Variants in EPHA6 observed in about 807,000 individuals in gnomAD.
The protein encoded by EPHA6 is ephrin type-A receptor 6.
In EPHA6, 50 loss-of-function variants were observed where a neutral mutation model predicts 112.0. That is an observed-to-expected ratio of 0.45 (90% CI 0.36 to 0.56). The LOEUF (loss-of-function observed/expected upper bound fraction) is 0.56, where lower values mean the gene tolerates loss of function less well. Among genes scored for constraint, EPHA6 ranks in the 20% least tolerant of loss-of-function variants. EPHA6 has a pLI of 0.00. For synonymous variants in EPHA6, 529 were observed against 490.7 expected (o/e 1.08, Z -1.03); for missense variants, 1,280 against 1,417.4 (o/e 0.90, Z 1.56).
At chr3:96,844,245 T>C (rs112051253) in intron 1 of EPHA6, among the ~76,000 whole-genome samples, 1,583 of 152,160 alleles carry the variant, frequency 0.01, 27 homozygotes, top group African/African-American at 0.036. Flanking sequence ...ACTATGTGTC[T>C]GTCTATAAAC....
intron 6 of EPHA6, among the ~76,000 whole-genome samples, chr3:97,445,031 C>T (rs2090285932): frequency 6.6e-6 from 1 of 152,060 alleles, no homozygotes; most frequent in Admixed American, 6.6e-5. Flanking sequence ...TATGCCTGCC[C>T]TGTTTGACAG....
At chr3:97,655,881 A>G (rs1441386066) in intron 14 of EPHA6, among the ~76,000 whole-genome samples, 3 of 151,968 alleles carry the variant, frequency 2.0e-5, no homozygotes, top group Admixed American at 2.0e-4. Context: ...CGTTGTGCAC[A>G]TGTACCCTAA....
chr3:97,262,143 G>A (rs185766877), intron 5 of EPHA6, among the ~76,000 whole-genome samples: 2 of 152,192 alleles, frequency 1.3e-5, no homozygotes, highest in African/African-American at 2.4e-5. Flanking sequence ...TAGAAAATAC[G>A]ATGAGCCATC....
chr3:97,542,527 C>A (rs542677449), intron 11 of EPHA6, among the ~76,000 whole-genome samples: 2 of 152,248 alleles, frequency 1.3e-5, no homozygotes, highest in South Asian at 4.1e-4. Context: ...CAAGTCTTTG[C>A]TATTGTGAAT....
At chr3:97,430,460 G>T (rs1258433214) in intron 6 of EPHA6, among the ~76,000 whole-genome samples, 1 of 151,796 alleles carries the variant, frequency 6.6e-6, no homozygotes, top group Non-Finnish European at 1.5e-5. Context: ...TTCACACAAT[G>T]GTCTTATTAA....
intron 2 of EPHA6, among the ~76,000 whole-genome samples, chr3:96,933,701 A>C (rs998148403): frequency 6.6e-6 from 1 of 152,148 alleles, no homozygotes; most frequent in Non-Finnish European, 1.5e-5. Flanking sequence ...TTAGAAGAAG[A>C]ATTTAGTTAT....
chr3:96,999,518 ACAAT>A (rs140568664), intron 3 of EPHA6, among the ~76,000 whole-genome samples: 25,088 of 151,896 alleles, frequency 0.17, 2,417 homozygotes, highest in Non-Finnish European at 0.22. Context: ...TCACATACCA[ACAAT>A]GACTACAGTA....
At chr3:96,822,509 C>T (rs987985115) in intron 1 of EPHA6, among the ~76,000 whole-genome samples, 2 of 151,704 alleles carry the variant, frequency 1.3e-5, no homozygotes, top group Non-Finnish European at 3.0e-5. Context: ...ATGCTTCCTG[C>T]TATTTTACTT....
rs1343946138 is a variant in EPHA6 at position 97,543,509 on chromosome 3, A to C, written c.2386+10966A>C. Among the ~76,000 whole-genome samples, 7 of 152,302 alleles carry C rather than the reference A, an allele frequency of 4.6e-5. 1 individual carries two copies. The East Asian group carries it at 1.2e-3, about 25-fold the overall frequency. ...TTTGGTTACTGTAGCCTTGTAGTAT[A>C]GTTTGAAGTCAGGTAGCGTGCTGCC... On this transcript the variant is annotated intron_variant, in intron 11 of 17. Coordinates refer to ENST00000389672, the MANE Select transcript of EPHA6 (RefSeq NM_001080448.3).
At chr3:96,933,258 G>A (rs1458732282) in intron 2 of EPHA6, among the ~76,000 whole-genome samples, 1 of 152,048 alleles carries the variant, frequency 6.6e-6, no homozygotes, top group Admixed American at 6.6e-5. Flanking sequence ...GGGGTAAAAT[G>A]GGAGGGAAAG....
intron 3 of EPHA6, among the ~76,000 whole-genome samples, chr3:97,196,699 C>T (rs1010747960): frequency 1.3e-5 from 2 of 151,582 alleles, no homozygotes; most frequent in Non-Finnish European, 2.9e-5. Context: ...TTATGAGGCA[C>T]ACCAATCCCA....
intron 2 of EPHA6, among the ~76,000 whole-genome samples, chr3:96,912,172 T>A (rs1417454905): frequency 1.3e-5 from 2 of 152,028 alleles, no homozygotes; most frequent in East Asian, 3.9e-4. Flanking sequence ...CATTATATAT[T>A]TATTTATTTA....
intron 5 of EPHA6, among the ~76,000 whole-genome samples, chr3:97,272,989 TA>T (rs1244453345): frequency 2.0e-5 from 3 of 151,936 alleles, no homozygotes; most frequent in African/African-American, 4.8e-5. Flanking sequence ...CGAGCGGGAT[TA>T]GGGGCGGTGT....
chr3:97,409,319 G>A (rs2087557732), intron 6 of EPHA6, among the ~76,000 whole-genome samples: 1 of 152,064 alleles, frequency 6.6e-6, no homozygotes, highest in South Asian at 2.1e-4. Context: ...GATACTGATT[G>A]TTGACCAACT....
chr3:97,356,763 T>C (rs2084098613), intron 5 of EPHA6, among the ~76,000 whole-genome samples: 2 of 152,168 alleles, frequency 1.3e-5, no homozygotes, highest in African/African-American at 4.8e-5. Context: ...TTGAGACAAT[T>C]TTATATGCTC....
intron 2 of EPHA6, among the ~76,000 whole-genome samples, chr3:96,871,579 A>G (rs529959562): frequency 2.0e-5 from 3 of 151,972 alleles, no homozygotes; most frequent in African/African-American, 7.3e-5. Context: ...AAAATGTAGA[A>G]TGAGTACTTT....
intron 3 of EPHA6, among the ~76,000 whole-genome samples, chr3:97,149,981 C>A (rs1201473827): frequency 6.6e-6 from 1 of 151,820 alleles, no homozygotes; most frequent in East Asian, 1.9e-4. Flanking sequence ...GAATTTAACT[C>A]CCATCCTTGA....
intron 12 of EPHA6, among the ~76,000 whole-genome samples, chr3:97,603,663 C>A (rs1446720027): frequency 6.6e-6 from 1 of 151,804 alleles, no homozygotes; most frequent in Admixed American, 6.6e-5. Flanking sequence ...GCAGAAGATA[C>A]AACATAGATT....
chr3:97,231,492 A>G (rs2078523833), intron 4 of EPHA6, among the ~76,000 whole-genome samples: 1 of 152,222 alleles, frequency 6.6e-6, no homozygotes, highest in African/African-American at 2.4e-5. Flanking sequence ...GTAGAAATGT[A>G]TTAATGTGCA....
Sources: gnomAD v4.1 joint callset for allele counts (sites outside exome capture counted in the v4.1 genomes callset) on GRCh38, gnomAD v4.1.1 for gene constraint, MANE v1.5 for transcripts, NCBI Gene and HGNC (gene_info 2026-07-23, HGNC 2026-07-21) for gene names.